The following PIP5K1A variants were observed in gnomAD, a reference collection of about 807,000 sequenced individuals.
PIP5K1A encodes phosphatidylinositol 4-phosphate 5-kinase type-1 alpha.
In PIP5K1A, 46 loss-of-function variants were observed where a neutral mutation model predicts 72.9. That is an observed-to-expected ratio of 0.63 (90% CI 0.50 to 0.81). PIP5K1A has a LOEUF of 0.81. PIP5K1A is among the 30% of genes least tolerant of loss of function. The pLI, the probability that PIP5K1A is intolerant of heterozygous loss-of-function variation, is 0.00. For synonymous variants in PIP5K1A, 228 were observed against 255.1 expected (o/e 0.89, Z 1.01); for missense variants, 458 against 706.1 (o/e 0.65, Z 3.98).
At chr1:151,209,437 ATTTTT>A (rs34643257) in intron 1 of PIP5K1A, among the ~76,000 whole-genome samples, 1 of 118,186 alleles carries the variant, frequency 8.5e-6, no homozygotes, top group African/African-American at 3.2e-5. Flanking sequence ...TGCCTGGCTA[ATTTTT>A]TTTTTTTTTT....
intron 1 of PIP5K1A, among the ~76,000 whole-genome samples, chr1:151,204,859 G>C (rs1419529995): frequency 6.6e-6 from 1 of 152,104 alleles, no homozygotes; most frequent in African/African-American, 2.4e-5. Context: ...AGTCTAATAG[G>C]TATCCAGTTT....
At chr1:151,221,788 ACAGC>A (rs1688433692) in intron 1 of PIP5K1A, among the ~76,000 whole-genome samples, 1 of 152,206 alleles carries the variant, frequency 6.6e-6, no homozygotes, top group South Asian at 2.1e-4. Context: ...TGTCTGGCTA[ACAGC>A]CAGGTGCAGT....
Position 151,199,058 on chromosome 1 carries a change from TCCCTTCCTGTAC to T in PIP5K1A, c.64_75del (p.Pro22_Thr25del), listed in dbSNP as rs1412799063. 6.2e-7 allele frequency: 1 copy of T among 1,612,788 alleles called. No individual in the cohort carries two copies. The highest frequency in any genetic ancestry group is 8.5e-7 in the Non-Finnish European group (1 of 1,178,850). ...GGTTTTTCATCCTTTGATCCCGCGGTCCCTTCCTGTACCTTGTCCTCAGGTAAGCCCGGCAGG... is the reference window on the plus strand; with the variant it reads ...GGTTTTTCATCCTTTGATCCCGCGGTCTTGTCCTCAGGTAAGCCCGGCAGG... On this transcript the variant is annotated inframe_deletion, in exon 1 of 16. Coordinates refer to ENST00000368888, the MANE Select transcript of PIP5K1A (RefSeq NM_001135638.2).
chr1:151,229,038 G>A (rs990382267), intron 4 of PIP5K1A, among the ~76,000 whole-genome samples: 5 of 151,404 alleles, frequency 3.3e-5, no homozygotes, highest in African/African-American at 1.2e-4. Flanking sequence ...CGCGGTGGTG[G>A]GCATCTGTAA....
Position 151,248,222 on chromosome 1 carries a change from C to T in PIP5K1A, c.*357C>T. On this transcript the variant is annotated 3_prime_UTR_variant, in exon 16 of 16. Transcript: ENST00000368888. Reference sequence around the variant, plus strand: ...ATTGCTGGACTTGGCAGCTTTCTTTCCCCTCGTCTTTGACTAGGAACCGGA... The same window carrying T: ...ATTGCTGGACTTGGCAGCTTTCTTTTCCCTCGTCTTTGACTAGGAACCGGA... 1 of 343,896 alleles carries T rather than the reference C, an allele frequency of 2.9e-6. No homozygotes were observed. Among genetic ancestry groups the T allele is most frequent in the Non-Finnish European group, 5.4e-6 (1 of 183,970 alleles). The allele number at this position is 343,896 out of a possible 1,614,324, so 21.3% of individuals were successfully genotyped here.
At chr1:151,204,060 T>C (rs1685586042) in intron 1 of PIP5K1A, among the ~76,000 whole-genome samples, 1 of 152,144 alleles carries the variant, frequency 6.6e-6, no homozygotes, top group African/African-American at 2.4e-5. Flanking sequence ...CTTGGGACTT[T>C]TATAGTAGGG....
At position 151,232,883 on chromosome 1, in the gene PIP5K1A, A is replaced by G. The variant is rs141032235; in HGVS notation, c.639+180A>G. On this transcript the variant is annotated intron_variant, in intron 7 of 15. Transcript: ENST00000368888. ...TGGGAGGCCGAGGCAAGAGGATCACAAGATCAGGAGATCAAGACCATCCTG... is the reference window on the plus strand; with the variant it reads ...TGGGAGGCCGAGGCAAGAGGATCACGAGATCAGGAGATCAAGACCATCCTG... Among the ~76,000 whole-genome samples the G allele has an allele frequency of 8.9e-3, 1,358 of 152,142 alleles. 12 individuals carry two copies. The highest frequency in any genetic ancestry group is 0.017 in the African/African-American group (708 of 41,522).
chr1:151,225,748 G>T (rs1012464638), intron 3 of PIP5K1A, among the ~76,000 whole-genome samples: 6 of 151,862 alleles, frequency 4.0e-5, no homozygotes, highest in African/African-American at 1.5e-4. Flanking sequence ...GGGATTACAG[G>T]TGTGAGCCAC....
chr1:151,219,226 C>A (rs1032631280), intron 1 of PIP5K1A, among the ~76,000 whole-genome samples: 3 of 151,636 alleles, frequency 2.0e-5, no homozygotes, highest in African/African-American at 7.3e-5. Flanking sequence ...ACTAAAAATA[C>A]AAAAATTAGC....
chr1:151,201,600 C>T (rs1685222464), intron 1 of PIP5K1A, among the ~76,000 whole-genome samples: 1 of 152,064 alleles, frequency 6.6e-6, no homozygotes, highest in Non-Finnish European at 1.5e-5. Context: ...AAGTAATCCG[C>T]CCACTTCGGC....
chr1:151,201,958 T>C lies in PIP5K1A; in HGVS notation c.85+2877T>C, dbSNP rs587675885. Among the ~76,000 whole-genome samples the C allele has an allele frequency of 7.2e-5, 11 of 152,316 alleles. No individual in the cohort carries two copies. In the South Asian group the frequency reaches 8.3e-4, roughly 11 times the overall value. On this transcript the variant is annotated intron_variant, in intron 1 of 15. Coordinates refer to ENST00000368888, the MANE Select transcript of PIP5K1A (RefSeq NM_001135638.2). Reference sequence around the variant, plus strand: ...CCTCCACCAAATCCAAACATGGTAATTGCTCCAATAGCAAAAGTAGTTAAA... The same window carrying C: ...CCTCCACCAAATCCAAACATGGTAACTGCTCCAATAGCAAAAGTAGTTAAA...
intron 14 of PIP5K1A, among the ~76,000 whole-genome samples, chr1:151,243,269 C>T (rs1490359209): frequency 6.6e-6 from 1 of 152,158 alleles, no homozygotes; most frequent in Non-Finnish European, 1.5e-5. Flanking sequence ...CCCATTGTAG[C>T]GTTAGCTCAG....
At chr1:151,197,651 C>A (rs2101753826), upstream of PIP5K1A, among the ~76,000 whole-genome samples, 1 of 152,306 alleles carries the variant, frequency 6.6e-6, no homozygotes. Context: ...ACTCTTACCC[C>A]GAATGTTTTA....
chr1:151,230,603 G>C (rs1162349192), intron 4 of PIP5K1A, among the ~76,000 whole-genome samples: 3 of 152,158 alleles, frequency 2.0e-5, no homozygotes, highest in African/African-American at 7.2e-5. Flanking sequence ...ATGCAGTGGT[G>C]TGATCTTGGC....
Position 151,220,163 on chromosome 1 carries a change from C to G in PIP5K1A, c.86-4082C>G, listed in dbSNP as rs148506773. On this transcript the variant is annotated intron_variant, in intron 1 of 15. Coordinates refer to ENST00000368888, the MANE Select transcript of PIP5K1A (RefSeq NM_001135638.2). ...TGGGATTACAGGTGGTGTCATCATGCTTGGCTACTTTTTTGTATTTTTAGT... is the reference window on the plus strand; with the variant it reads ...TGGGATTACAGGTGGTGTCATCATGGTTGGCTACTTTTTTGTATTTTTAGT... Among the ~76,000 whole-genome samples the G allele has an allele frequency of 4.4e-3, 671 of 151,768 alleles. 6 individuals carry two copies. Among genetic ancestry groups the G allele is most frequent in the Middle Eastern group, 0.014 (4 of 290 alleles).
At chr1:151,224,857 T>C (rs1179743487) in intron 3 of PIP5K1A, among the ~76,000 whole-genome samples, 3 of 152,168 alleles carry the variant, frequency 2.0e-5, no homozygotes, top group Non-Finnish European at 4.4e-5. Context: ...TTCCTAACCC[T>C]CTTCTCACTT....
intron 3 of PIP5K1A, among the ~76,000 whole-genome samples, chr1:151,224,735 A>G (rs1167877597): frequency 6.6e-6 from 1 of 152,162 alleles, no homozygotes; most frequent in Non-Finnish European, 1.5e-5. Flanking sequence ...CTGATTGCAT[A>G]CCTTCGATGA....
At chr1:151,219,624 G>A (rs943909667) in intron 1 of PIP5K1A, among the ~76,000 whole-genome samples, 1 of 152,012 alleles carries the variant, frequency 6.6e-6, no homozygotes, top group African/African-American at 2.4e-5. Flanking sequence ...AACCCGGGAG[G>A]TGGAGGTTGC....
chr1:151,247,747 T>G, intron 15 of PIP5K1A, 116 bp from the exon 16 acceptor site: 1 of 838,532 alleles, frequency 1.2e-6, no homozygotes, highest in Non-Finnish European at 1.9e-6. Flanking sequence ...TTAAAAAATA[T>G]TTTTGGTACC....
Sources: allele counts gnomAD v4.1 joint callset (sites outside exome capture counted in the v4.1 genomes callset), GRCh38; gene constraint gnomAD v4.1.1; transcripts MANE v1.5; gene names NCBI Gene and HGNC (gene_info 2026-07-23, HGNC 2026-07-21).